The following PDE1C variants were observed in gnomAD, a reference collection of about 807,000 sequenced individuals.
PDE1C encodes the protein phosphodiesterase 1C, also known as dual specificity calcium/calmodulin-dependent 3',5'-cyclic nucleotide phosphodiesterase 1C.
PDE1C carries 62 observed loss-of-function variants against 93.1 expected under a neutral mutation model. The observed-to-expected ratio is 0.67, with a 90% confidence interval of 0.54 to 0.82. PDE1C has a LOEUF of 0.82. Among genes scored for constraint, PDE1C ranks in the 40% least tolerant of loss-of-function variants. PDE1C has a pLI of 0.00. For missense variants in PDE1C, 742 were observed against 884.6 expected, an observed-to-expected ratio of 0.84 and a Z score of 2.04; for synonymous variants, 325 against 310.1, an observed-to-expected ratio of 1.05 and a Z score of -0.50.
At chr7:32,040,128 CTACA>C (rs138984537) in intron 2 of PDE1C, among the ~76,000 whole-genome samples, 1,824 of 152,230 alleles carry the variant, frequency 0.012, 50 homozygotes, top group African/African-American at 0.042. Context: ...CATAAATTTA[CTACA>C]TAAACAACAA....
Position 32,031,033 on chromosome 7 carries a change from A to G in PDE1C, c.128+20521T>C, listed in dbSNP as rs537675898. Among the ~76,000 whole-genome samples the G allele has an allele frequency of 6.6e-5, 10 of 152,296 alleles. 1 individual carries two copies. The South Asian group carries it at 1.0e-3, about 16-fold the overall frequency. Reference sequence around the variant, plus strand: ...CATGAAACAATTCCTGTCCACTGACATGCAAATATTACTTTCTGTCTCGTG... The same window carrying G: ...CATGAAACAATTCCTGTCCACTGACGTGCAAATATTACTTTCTGTCTCGTG... On this transcript the variant is annotated intron_variant, in intron 2 of 17. Coordinates refer to ENST00000396191, the MANE Select transcript of PDE1C (RefSeq NM_001191057.4).
At chr7:31,863,938 C>G (rs1794975692) in intron 7 of PDE1C, among the ~76,000 whole-genome samples, 1 of 152,058 alleles carries the variant, frequency 6.6e-6, no homozygotes, top group Admixed American at 6.6e-5. Flanking sequence ...ATTTTTAATT[C>G]AGTGAGATAT....
the PDE1C span, among the ~76,000 whole-genome samples, chr7:31,725,740 A>T: frequency 6.6e-6 from 1 of 152,190 alleles, no homozygotes; most frequent in Non-Finnish European, 1.5e-5. Flanking sequence ...TTCTCATATT[A>T]CTTCTTACAG....
chr7:32,387,492 C>T (rs1356994326), intron 1 of PDE1C, among the ~76,000 whole-genome samples: 1 of 148,246 alleles, frequency 6.7e-6, no homozygotes, highest in Non-Finnish European at 1.5e-5. Context: ...GGGCGGCTGG[C>T]CGGGCGGGGG....
intron 2 of PDE1C, among the ~76,000 whole-genome samples, chr7:31,885,031 A>G (rs1227446631): frequency 6.6e-6 from 1 of 152,118 alleles, no homozygotes; most frequent in Non-Finnish European, 1.5e-5. Flanking sequence ...ATGTGAATCC[A>G]TTCCATCTAA....
chr7:32,363,621 T>G (rs1334017509), intron 1 of PDE1C, among the ~76,000 whole-genome samples: 2 of 152,234 alleles, frequency 1.3e-5, no homozygotes, highest in Non-Finnish European at 2.9e-5. Flanking sequence ...TTTTAACAAA[T>G]GGATCAGAAT....
chr7:32,111,942 G>T (rs1190368476), intron 3 of PDE1C, among the ~76,000 whole-genome samples: 1 of 152,104 alleles, frequency 6.6e-6, no homozygotes, highest in Non-Finnish European at 1.5e-5. Flanking sequence ...TCTCATTTTG[G>T]TATCTTCACA....
At chr7:32,251,692 A>T (rs1477439474) in intron 1 of PDE1C, among the ~76,000 whole-genome samples, 1 of 152,144 alleles carries the variant, frequency 6.6e-6, no homozygotes, top group Non-Finnish European at 1.5e-5. Context: ...ACTGAATATC[A>T]TCCATGAATA....
intron 1 of PDE1C, among the ~76,000 whole-genome samples, chr7:32,069,549 TGA>T (rs1795782788): frequency 6.6e-6 from 1 of 152,070 alleles, no homozygotes; most frequent in Non-Finnish European, 1.5e-5. Context: ...AGCAGTTCAC[TGA>T]TGATGAAATA....
chr7:31,930,950 G>A lies in PDE1C; in HGVS notation c.129-50090C>T, dbSNP rs181697309. On this transcript the variant is annotated intron_variant, in intron 2 of 17. Transcript: ENST00000396191. The stretch of plus-strand genomic sequence containing the variant: ...GTTCAACATATGAAAATCAATAAAC[G>A]TAATCCATCACATAAACAGAACCAA... 3.9e-3 allele frequency among the ~76,000 whole-genome samples: 570 copies of A among 147,080 alleles called. 2 individuals are homozygous for A. Among genetic ancestry groups the A allele is most frequent in the African/African-American group, 0.013 (513 of 39,690 alleles).
exon 1 of PDE1C, chr7:32,298,889 G>A: frequency 1.5e-6 from 2 of 1,371,962 alleles, no homozygotes; most frequent in Non-Finnish European, 1.9e-6. Flanking sequence ...GCAGCTGAGC[G>A]CCTGGAGACA....
chr7:32,427,533 GACA>G (rs1785559401), intron 1 of PDE1C, among the ~76,000 whole-genome samples: 1 of 152,140 alleles, frequency 6.6e-6, no homozygotes, highest in African/African-American at 2.4e-5. Flanking sequence ...GCCTTTCCAA[GACA>G]ACAAGAAAGG....
upstream of PDE1C, chr7:32,071,294 T>C: frequency 1.0e-6 from 1 of 985,378 alleles, no homozygotes; most frequent in Non-Finnish European, 1.2e-6. Flanking sequence ...CCGCGAGGCT[T>C]CGCGGAGGTT....
At chr7:32,014,037 G>T (rs552325006) in intron 2 of PDE1C, among the ~76,000 whole-genome samples, 4 of 152,326 alleles carry the variant, frequency 2.6e-5, no homozygotes, top group Admixed American at 2.6e-4. Context: ...AAGCCCTAAT[G>T]AGTTATCCCT....
chr7:32,171,207 A>C (rs552020735), intron 2 of PDE1C, among the ~76,000 whole-genome samples: 1 of 152,268 alleles, frequency 6.6e-6, no homozygotes, highest in South Asian at 2.1e-4. Context: ...CCATACCTAA[A>C]CAGTAATAAA....
chr7:32,407,224 G>A (rs534315479), intron 1 of PDE1C, among the ~76,000 whole-genome samples: 8 of 152,124 alleles, frequency 5.3e-5, no homozygotes, highest in Admixed American at 2.0e-4. Context: ...GCAGTGAGCC[G>A]AGATCATGCC....
chr7:31,791,734 C>T lies in PDE1C; in HGVS notation c.1892-16002G>A, dbSNP rs973339230. ...AGCTGGGGACAGCTGATAAAGACCA[C>T]TATTTAACTCAGTGAGCCTCACCTG... is the stretch of plus-strand genomic sequence containing the variant. On this transcript the variant is annotated intron_variant, in intron 16 of 17. Transcript: ENST00000396191. Among the ~76,000 whole-genome samples, 2 of 152,178 alleles carry T rather than the reference C, an allele frequency of 1.3e-5. 1 individual carries two copies. Among genetic ancestry groups the T allele is most frequent in the Middle Eastern group, 6.8e-3 (2 of 294 alleles).
rs1491220606 is a variant in PDE1C, at chr7:32,128,952, TAA to T, written c.308+40831_308+40832del. Among the ~76,000 whole-genome samples, 443 of 83,472 alleles carry T rather than the reference TAA, an allele frequency of 5.3e-3. 29 individuals carry two copies. Among genetic ancestry groups the T allele is most frequent in the African/African-American group, 0.022 (376 of 17,178 alleles). The allele number at this position is 83,472 out of a possible 152,430, so 54.8% of individuals were successfully genotyped here. A position where few individuals can be genotyped will look rare whatever the true frequency, so the allele number is the denominator to read the frequency against. On this transcript the variant is annotated intron_variant, in intron 3 of 18. Transcript: ENST00000396193. The stretch of plus-strand genomic sequence containing the variant: ...ATATATATATATATATATATATATA[TAA>T]AGAAAAATCTAAAAAAAACAGAAAA...
chr7:32,052,351 A>G, intron 1 of PDE1C: 1 of 474,180 alleles, frequency 2.1e-6, no homozygotes, highest in South Asian at 1.5e-5. Flanking sequence ...ATCTGCTCTG[A>G]CCATCTCACC....
Sources: gnomAD v4.1 joint callset for allele counts (sites outside exome capture counted in the v4.1 genomes callset) on GRCh38, gnomAD v4.1.1 for gene constraint, MANE v1.5 for transcripts, NCBI Gene and HGNC (gene_info 2026-07-23, HGNC 2026-07-21) for gene names.